Variants in PDE10A observed in about 807,000 individuals in gnomAD.
PDE10A encodes phosphodiesterase 10A.
PDE10A carries 39 observed loss-of-function variants against 97.7 expected under a neutral mutation model. The ratio of observed to expected loss-of-function variants is 0.40; its 90% CI spans 0.31 to 0.52. The LOEUF (loss-of-function observed/expected upper bound fraction) is 0.52. PDE10A is among the 20% of genes least tolerant of loss of function. PDE10A has a pLI of 0.56. For synonymous variants in PDE10A, 371 were observed against 376.8 expected (o/e 0.98, Z 0.18); for missense variants, 731 against 1,047.8 (o/e 0.70, Z 4.17).
chr6:165,446,392 A>T (rs1790850102), intron 5 of PDE10A, among the ~76,000 whole-genome samples: 1 of 152,224 alleles, frequency 6.6e-6, no homozygotes, highest in African/African-American at 2.4e-5. Context: ...CATCTAAAAA[A>T]ACACTTGAGT....
At chr6:165,512,307 C>T (rs1357553141) in intron 2 of PDE10A, among the ~76,000 whole-genome samples, 1 of 151,836 alleles carries the variant, frequency 6.6e-6, no homozygotes. Context: ...TGAATTCCCT[C>T]AGCTTTTGCT....
At chr6:165,358,167 A>G (rs992598841) in intron 18 of PDE10A, among the ~76,000 whole-genome samples, 5 of 152,248 alleles carry the variant, frequency 3.3e-5, no homozygotes, top group African/African-American at 1.2e-4. Context: ...CTGTGGTAAA[A>G]TAATACTCCT....
chr6:165,635,999 A>C (rs1003882866), intron 1 of PDE10A, among the ~76,000 whole-genome samples: 7 of 152,252 alleles, frequency 4.6e-5, no homozygotes, highest in African/African-American at 1.7e-4. Context: ...TCATTATGTA[A>C]GCATTTTACT....
intron 18 of PDE10A, among the ~76,000 whole-genome samples, chr6:165,370,617 C>T (rs1279824742): frequency 6.7e-6 from 1 of 148,944 alleles, no homozygotes; most frequent in Non-Finnish European, 1.5e-5. Context: ...TAGACTCCCA[C>T]ACAATAATAA....
intron 1 of PDE10A, among the ~76,000 whole-genome samples, chr6:165,811,375 G>T (rs143034648): frequency 6.6e-6 from 1 of 152,306 alleles, no homozygotes; most frequent in South Asian, 2.1e-4. Flanking sequence ...TGCAGGCCAC[G>T]CTAGCCTCTG....
In PDE10A at chr6:165,951,563, G is replaced by A. The variant is rs77623542; in HGVS notation, c.-615+35966C>T. 4.6e-4 allele frequency among the ~76,000 whole-genome samples: 70 copies of A among 152,170 alleles called. No individual in the cohort carries two copies. In the East Asian group the frequency reaches 0.013, roughly 28 times the overall value. On this transcript the variant is annotated intron_variant, in intron 1 of 19. Transcript: ENST00000366882. ...CAGCTTCTTCTGCACCACTCACGAC[G>A]TAGGGTGAACTTCCAATGGGACCCT...
intron 1 of PDE10A, among the ~76,000 whole-genome samples, chr6:165,846,764 G>A (rs777603822): frequency 2.6e-5 from 4 of 152,222 alleles, no homozygotes; most frequent in Non-Finnish European, 5.9e-5. Flanking sequence ...AGTGAGAGCC[G>A]CAAGCCCTGT....
chr6:165,663,202 G>T lies in PDE10A; in HGVS notation c.-391C>A, dbSNP rs565151310. ...GAAAAGCGCCGCAGTGCCGCTGCCC[G>T]TGGAGGCGGTGGTGGCGGCGGCGGC... is the stretch of plus-strand genomic sequence containing the variant. On this transcript the variant is annotated 5_prime_UTR_variant, in exon 1 of 22. Coordinates refer to ENST00000539869, the MANE Select transcript of PDE10A (RefSeq NM_001385079.1). 6.6e-6 allele frequency among the ~76,000 whole-genome samples: 1 copy of T among 152,046 alleles called. No homozygotes were observed. Among genetic ancestry groups the T allele is most frequent in the South Asian group, 2.1e-4 (1 of 4,832 alleles).
intron 2 of PDE10A, among the ~76,000 whole-genome samples, chr6:165,521,828 T>C (rs1180332968): frequency 6.6e-6 from 1 of 152,160 alleles, no homozygotes; most frequent in South Asian, 2.1e-4. Context: ...CAGGAAGTTA[T>C]CCAGATGATC....
intron 1 of PDE10A, among the ~76,000 whole-genome samples, chr6:165,615,206 T>C (rs1325631991): frequency 2.1e-5 from 2 of 96,878 alleles, no homozygotes; most frequent in Non-Finnish European, 4.3e-5. Context: ...CAAGACTCCA[T>C]CTCAGAAAAA....
intron 1 of PDE10A, among the ~76,000 whole-genome samples, chr6:165,726,987 C>T (rs761685267): frequency 2.6e-5 from 4 of 152,346 alleles, no homozygotes; most frequent in Non-Finnish European, 4.4e-5. Flanking sequence ...ACAGAAACGC[C>T]CCCGTGTCCA....
intron 1 of PDE10A, among the ~76,000 whole-genome samples, chr6:165,976,860 C>T (rs1347792364): frequency 5.9e-5 from 9 of 152,182 alleles, no homozygotes; most frequent in Non-Finnish European, 1.3e-4. Flanking sequence ...GTGCGCCATG[C>T]CATCCTCCTG....
intron 2 of PDE10A, among the ~76,000 whole-genome samples, chr6:165,541,614 A>G (rs927781983): frequency 6.6e-6 from 1 of 152,228 alleles, no homozygotes; most frequent in Admixed American, 6.5e-5. Flanking sequence ...GCAAGCTGAA[A>G]TTTGCATCTT....
Position 165,596,372 on chromosome 6 carries a change from C to T in PDE10A, c.866-52804G>A, listed in dbSNP as rs1348198803. On this transcript the variant is annotated intron_variant, in intron 1 of 21. Transcript: ENST00000539869. ...GCGTCTGCCCTTTTTCTCCTACAGT[C>T]GGTTCTCAATACAGTAGCCACAGTG... Among the ~76,000 whole-genome samples the T allele has an allele frequency of 3.3e-5, 5 of 152,298 alleles. No individual in the cohort carries two copies. In the East Asian group the frequency reaches 5.8e-4, roughly 18 times the overall value.
chr6:165,416,133 C>T, intron 12 of PDE10A, 56 bp downstream of exon 12: 1 of 1,132,648 alleles, frequency 8.8e-7, no homozygotes, highest in Non-Finnish European at 1.3e-6. Context: ...GAGGTTTCAG[C>T]TGAGTGGGAC....
chr6:165,410,565 G>A (rs773769370), intron 13 of PDE10A, among the ~76,000 whole-genome samples: 9 of 152,120 alleles, frequency 5.9e-5, no homozygotes, highest in Non-Finnish European at 8.8e-5. Flanking sequence ...ATGAACGGAC[G>A]TAGAGATTTA....
At chr6:165,612,726 C>T (rs1164563318) in intron 1 of PDE10A, among the ~76,000 whole-genome samples, 1 of 152,142 alleles carries the variant, frequency 6.6e-6, no homozygotes, top group Non-Finnish European at 1.5e-5. Flanking sequence ...AGAAACAATA[C>T]CAAAATAATG....
chr6:165,473,818 G>T (rs573327927), intron 3 of PDE10A, among the ~76,000 whole-genome samples: 13 of 152,292 alleles, frequency 8.5e-5, no homozygotes, highest in Non-Finnish European at 1.9e-4. Context: ...TAACATTACT[G>T]CAATCTACTT....
chr6:165,736,285 A>G (rs530706980), intron 1 of PDE10A, among the ~76,000 whole-genome samples: 2 of 152,364 alleles, frequency 1.3e-5, no homozygotes, highest in South Asian at 4.1e-4. Context: ...ATCCATTTGA[A>G]CAACCATCCA....
Sources: allele counts gnomAD v4.1 joint callset (sites outside exome capture counted in the v4.1 genomes callset), GRCh38; gene constraint gnomAD v4.1.1; transcripts MANE v1.5; gene names NCBI Gene and HGNC (gene_info 2026-07-23, HGNC 2026-07-21).